Variants in LRRC37A2 observed in about 807,000 individuals in gnomAD.
LRRC37A2 encodes leucine rich repeat containing 37 member A2, also known as leucine-rich repeat-containing protein 37A2.
In LRRC37A2, 9 loss-of-function variants were observed where a neutral mutation model predicts 68.8. That is an observed-to-expected ratio of 0.13 (90% CI 0.08 to 0.23). The LOEUF is 0.23. Among genes scored for constraint, LRRC37A2 ranks in the 10% least tolerant of loss-of-function variants. The pLI, the probability that LRRC37A2 is intolerant of heterozygous loss-of-function variation, is 1.00. For missense variants in LRRC37A2, 168 were observed against 950.4 expected (o/e 0.18, Z 10.82); for synonymous variants, 63 against 367.6 (o/e 0.17, Z 9.48).
At chr17:46,833,901 C>T in the LRRC37A2 span, among the ~76,000 whole-genome samples, 1 of 152,108 alleles carries the variant, frequency 6.6e-6, no homozygotes, top group Non-Finnish European at 1.5e-5. Context: ...CATTCTGGAC[C>T]ATGTCCCATC....
At chr17:46,776,070 C>A in the LRRC37A2 span, among the ~76,000 whole-genome samples, 1 of 152,206 alleles carries the variant, frequency 6.6e-6, no homozygotes, top group African/African-American at 2.4e-5. Context: ...GATGGCTTAG[C>A]CTTGCAGGTT....
At chr17:46,783,002 G>T in the LRRC37A2 span, among the ~76,000 whole-genome samples, 8 of 152,212 alleles carry the variant, frequency 5.3e-5, no homozygotes, top group Non-Finnish European at 7.3e-5. Flanking sequence ...GCCTCAGGGG[G>T]TGCCTTTCAT....
the LRRC37A2 span, among the ~76,000 whole-genome samples, chr17:47,008,617 T>C: frequency 2.0e-5 from 3 of 151,814 alleles, no homozygotes; most frequent in African/African-American, 7.3e-5. Context: ...CCACCATGCC[T>C]GGCTAGTTTT....
At chr17:46,984,621 A>C in the LRRC37A2 span, among the ~76,000 whole-genome samples, 1 of 152,122 alleles carries the variant, frequency 6.6e-6, no homozygotes, top group African/African-American at 2.4e-5. Context: ...TTCTAGATGA[A>C]CCTTTAGCCC....
At chr17:46,601,897 A>C in the LRRC37A2 span, among the ~76,000 whole-genome samples, 1 of 148,398 alleles carries the variant, frequency 6.7e-6, no homozygotes, top group African/African-American at 2.6e-5. Flanking sequence ...AAAAAAAGAC[A>C]CTTTGGCCTG....
At chr17:46,810,898 G>A in the LRRC37A2 span, among the ~76,000 whole-genome samples, 3 of 152,058 alleles carry the variant, frequency 2.0e-5, no homozygotes, top group Admixed American at 6.6e-5. Context: ...CTCCCTGCCC[G>A]GAAGCCGCCC....
chr17:46,936,777 C>T, the LRRC37A2 span: 14 of 981,538 alleles, frequency 1.4e-5, no homozygotes, highest in South Asian at 1.4e-4. Context: ...GTCACTATCT[C>T]GGGGAAAAAA....
At chr17:46,543,726 A>G (rs1362588988) in intron 8 of LRRC37A2, among the ~76,000 whole-genome samples, 1 of 151,100 alleles carries the variant, frequency 6.6e-6, no homozygotes, top group Non-Finnish European at 1.5e-5. Context: ...TCCAGATGAA[A>G]GTTATACAGG....
chr17:46,895,592 T>C, the LRRC37A2 span, among the ~76,000 whole-genome samples: 4 of 152,336 alleles, frequency 2.6e-5, no homozygotes, highest in South Asian at 8.3e-4. Flanking sequence ...CTCTAGATAA[T>C]TGCTGTTACC....
At chr17:47,027,189 A>C in the LRRC37A2 span, among the ~76,000 whole-genome samples, 1 of 152,124 alleles carries the variant, frequency 6.6e-6, no homozygotes, top group South Asian at 2.1e-4. Context: ...GGATTACAGG[A>C]CTGAGCCACC....
At chr17:46,841,823 C>T in the LRRC37A2 span, among the ~76,000 whole-genome samples, 1 of 152,272 alleles carries the variant, frequency 6.6e-6, no homozygotes, top group African/African-American at 2.4e-5. Context: ...CTCCTCTGAG[C>T]TCCGCGTTTG....
At chr17:46,986,968 AG>A in the LRRC37A2 span, among the ~76,000 whole-genome samples, 1 of 152,074 alleles carries the variant, frequency 6.6e-6, no homozygotes, top group Admixed American at 6.6e-5. Context: ...GTTGCAGGCC[AG>A]GGGGGGTGGC....
chr17:46,922,857 C>T, the LRRC37A2 span: 2 of 409,020 alleles, frequency 4.9e-6, no homozygotes, highest in Admixed American at 4.0e-5. Context: ...AGCGGCTCGC[C>T]TTCAACTTTG....
Position 46,534,241 on chromosome 17 carries a change from G to A in LRRC37A2, c.2907-5935G>A, listed in dbSNP as rs540954272. ...TATTGATCATTCTTGGGTGTTTCTCGCAGAGGGGGATTTGGCAGGGTCATA... is the reference window on the plus strand; with the variant it reads ...TATTGATCATTCTTGGGTGTTTCTCACAGAGGGGGATTTGGCAGGGTCATA... On this transcript the variant is annotated intron_variant, in intron 6 of 14. Coordinates refer to ENST00000576629, the Ensembl canonical transcript of LRRC37A2. 2.9e-3 allele frequency among the ~76,000 whole-genome samples: 418 copies of A among 145,498 alleles called. 13 individuals carry two copies. The highest frequency in any genetic ancestry group is 0.01 in the African/African-American group (385 of 36,700).
the LRRC37A2 span, among the ~76,000 whole-genome samples, chr17:46,724,353 TCAGA>T: frequency 1.3e-5 from 2 of 152,224 alleles, no homozygotes; most frequent in African/African-American, 4.8e-5. Context: ...CCGTCATGGC[TCAGA>T]CAGTGAGTTC....
At chr17:46,826,676 A>G in the LRRC37A2 span, among the ~76,000 whole-genome samples, 1 of 152,132 alleles carries the variant, frequency 6.6e-6, no homozygotes, top group Admixed American at 6.6e-5. Context: ...CAAAAAGACA[A>G]TTGCCTATTC....
At chr17:46,491,078 G>A in the LRRC37A2 span, among the ~76,000 whole-genome samples, 7 of 150,678 alleles carry the variant, frequency 4.6e-5, no homozygotes, top group Admixed American at 2.6e-4. Context: ...GTATTTTTTA[G>A]TAGAGATGGA....
chr17:46,947,475 A>C, the LRRC37A2 span, among the ~76,000 whole-genome samples: 1 of 152,182 alleles, frequency 6.6e-6, no homozygotes. Flanking sequence ...TGAGATACTG[A>C]TGAGAGCTGG....
the LRRC37A2 span, among the ~76,000 whole-genome samples, chr17:46,974,274 TCACC>T: frequency 1.0e-3 from 158 of 152,340 alleles, no homozygotes; most frequent in Admixed American, 1.8e-3. Flanking sequence ...CATCCGTTGC[TCACC>T]CAGTGCCTGG....
Sources: allele counts gnomAD v4.1 joint callset (sites outside exome capture counted in the v4.1 genomes callset), GRCh38; gene constraint gnomAD v4.1.1; transcripts MANE v1.5; gene names NCBI Gene and HGNC (gene_info 2026-07-23, HGNC 2026-07-21).